Variants in TNPO1 observed in about 807,000 individuals in gnomAD.
The protein encoded by TNPO1 is transportin 1, also known as transportin-1.
TNPO1 carries 8 observed loss-of-function variants against 119.5 expected under a neutral mutation model. The observed-to-expected ratio is 0.07, with a 90% CI of 0.04 to 0.12. The LOEUF is 0.12. TNPO1 is among the 10% of genes least tolerant of loss of function. The probability of loss-of-function intolerance (pLI) is 1.00; values close to 1 mark genes in which losing one functional copy is unlikely to be tolerated. For synonymous variants in TNPO1, 362 were observed against 363.0 expected (o/e 1.00, Z 0.03); for missense variants, 576 against 1,089.8 (o/e 0.53, Z 6.64).
At chr5:72,856,036 G>A in intron 4 of TNPO1, 113 bp downstream of exon 4, 1 of 1,094,900 alleles carries the variant, frequency 9.1e-7, no homozygotes, top group Non-Finnish European at 1.3e-6. Context: ...TTGTGTTGGG[G>A]AAACTTTCAT....
intron 11 of TNPO1, among the ~76,000 whole-genome samples, chr5:72,885,995 C>T (rs564920935): frequency 6.6e-6 from 1 of 152,176 alleles, no homozygotes; most frequent in South Asian, 2.1e-4. Context: ...TGATAACTAA[C>T]CCACTCCTAC....
intron 1 of TNPO1, among the ~76,000 whole-genome samples, chr5:72,827,072 G>A (rs1483684730): frequency 1.3e-5 from 2 of 152,128 alleles, no homozygotes; most frequent in African/African-American, 4.8e-5. Context: ...CTTAAATGTC[G>A]TATTTGGCCA....
intron 24 of TNPO1, among the ~76,000 whole-genome samples, chr5:72,907,165 CA>C (rs1227435916): frequency 1.3e-5 from 2 of 152,054 alleles, no homozygotes; most frequent in African/African-American, 4.8e-5. Flanking sequence ...AGCTGTTTTC[CA>C]AAATGGCTTT....
At chr5:72,850,466 C>T (rs1745457189) in intron 2 of TNPO1, among the ~76,000 whole-genome samples, 1 of 152,144 alleles carries the variant, frequency 6.6e-6, no homozygotes. Context: ...GAGTTTGATT[C>T]ATGGATTTAA....
At chr5:72,855,740 T>C in intron 3 of TNPO1, 34 bp from the exon 4 acceptor site, 1 of 1,549,862 alleles carries the variant, frequency 6.5e-7, no homozygotes, top group Non-Finnish European at 8.7e-7. Flanking sequence ...TTAAGACTAC[T>C]TCAAAACTCA....
intron 6 of TNPO1, among the ~76,000 whole-genome samples, chr5:72,866,425 A>G (rs943561717): frequency 6.6e-6 from 1 of 152,172 alleles, no homozygotes; most frequent in Non-Finnish European, 1.5e-5. Context: ...AAATGTGGCA[A>G]TATACATACT....
Position 72,897,141 on chromosome 5 carries a change from A to G in TNPO1, c.2328A>G (p.Leu776=), listed in dbSNP as rs770726319. 1 of 1,607,528 alleles carries G rather than the reference A, an allele frequency of 6.2e-7. No homozygotes were observed. Among genetic ancestry groups the G allele is most frequent in the Non-Finnish European group, 8.5e-7 (1 of 1,177,300 alleles). ...GACCCAACACACCAAAGACGTTGTT[A>G]GAGAATACAGGTACCATATGACTGA... ...INRPNTPKTL[L]ENTAITIGRL... The change falls in exon 20 of 25, where the codon TTA becomes TTG. Residue 776 remains leucine, a synonymous_variant. Transcript: ENST00000337273.
chr5:72,836,732 T>C (rs1214372290), intron 1 of TNPO1, among the ~76,000 whole-genome samples: 2 of 152,210 alleles, frequency 1.3e-5, no homozygotes, highest in African/African-American at 2.4e-5. Flanking sequence ...TCTCTCTTCC[T>C]GCATCTTACT....
intron 1 of TNPO1, among the ~76,000 whole-genome samples, chr5:72,820,595 A>G (rs1006210185): frequency 6.6e-6 from 1 of 152,186 alleles, no homozygotes; most frequent in African/African-American, 2.4e-5. Context: ...CTGATGAGAA[A>G]ACAAAGTGTA....
At chr5:72,863,498 A>T (rs1043338067) in intron 5 of TNPO1, among the ~76,000 whole-genome samples, 3 of 152,000 alleles carry the variant, frequency 2.0e-5, no homozygotes, top group African/African-American at 7.2e-5. Context: ...GGTGGCTCAC[A>T]CCTGTAATCC....
intron 22 of TNPO1, 102 bp downstream of exon 22, chr5:72,901,175 G>T: frequency 1.4e-6 from 1 of 691,104 alleles, no homozygotes; most frequent in South Asian, 3.1e-5. Context: ...TATTTTCAAA[G>T]GTATCAAAAT....
At chr5:72,869,419 C>T (rs1335096328) in intron 6 of TNPO1, among the ~76,000 whole-genome samples, 2 of 151,646 alleles carry the variant, frequency 1.3e-5, no homozygotes, top group Non-Finnish European at 2.9e-5. Flanking sequence ...TGGTGGCATG[C>T]ACCTGTAATC....
intron 7 of TNPO1, among the ~76,000 whole-genome samples, chr5:72,875,199 T>C (rs1275838380): frequency 6.6e-6 from 1 of 152,220 alleles, no homozygotes; most frequent in Non-Finnish European, 1.5e-5. Context: ...AGAAAATCAG[T>C]GTATACTAAT....
intron 20 of TNPO1, among the ~76,000 whole-genome samples, chr5:72,899,408 A>T (rs1171280039): frequency 6.6e-6 from 1 of 152,172 alleles, no homozygotes; most frequent in African/African-American, 2.4e-5. Flanking sequence ...GTTGATTTTG[A>T]TGTAAGGTAA....
At chr5:72,838,530 C>A (rs1240862889) in intron 1 of TNPO1, among the ~76,000 whole-genome samples, 1 of 152,098 alleles carries the variant, frequency 6.6e-6, no homozygotes, top group Non-Finnish European at 1.5e-5. Flanking sequence ...TGCATCATAG[C>A]CTTTTTTTAC....
At position 72,905,559 on chromosome 5, in the gene TNPO1, AACAT is replaced by A. The variant is rs1750083931; in HGVS notation, c.*35+116_*35+119del. On this transcript the variant is annotated intron_variant, in intron 24 of 24. Transcript: ENST00000337273. ...TTTGTTTTCTATAGAGGTTGAATAA[AACAT>A]AGCCTCATATCATTCTATCTTGGGC... is the stretch of plus-strand genomic sequence containing the variant. The A allele has an allele frequency of 2.0e-5, 11 of 538,758 alleles. No individual in the cohort carries two copies. In the East Asian group the frequency reaches 3.4e-4, roughly 17 times the overall value. 33.4% of individuals were successfully genotyped at this position (538,758 alleles called of 1,614,324 possible). A position where few individuals can be genotyped will look rare whatever the true frequency, so the allele number is the denominator to read the frequency against.
chr5:72,892,641 T>C (rs1749148071), intron 15 of TNPO1, among the ~76,000 whole-genome samples: 2 of 152,206 alleles, frequency 1.3e-5, no homozygotes, highest in Admixed American at 1.3e-4. Context: ...TAAAATGATG[T>C]GGTATTTGCA....
At chr5:72,863,016 G>GTGTGTGTA (rs1554051205) in intron 5 of TNPO1, among the ~76,000 whole-genome samples, 16 of 148,768 alleles carry the variant, frequency 1.1e-4, no homozygotes, top group African/African-American at 3.9e-4. Context: ...GTGTGTGTGT[G>GTGTGTGTA]TGTGTGTGTG....
chr5:72,880,775 C>A (rs1213593955), intron 9 of TNPO1, among the ~76,000 whole-genome samples: 1 of 136,200 alleles, frequency 7.3e-6, no homozygotes, highest in Non-Finnish European at 1.5e-5. Context: ...AAGATCGTGC[C>A]ATTGCACTCC....
Sources: gnomAD v4.1 joint callset for allele counts (sites outside exome capture counted in the v4.1 genomes callset) on GRCh38, gnomAD v4.1.1 for gene constraint, MANE v1.5 for transcripts, NCBI Gene and HGNC (gene_info 2026-07-23, HGNC 2026-07-21) for gene names.